PRX: variants seen among roughly 807,000 people sequenced by gnomAD.
The protein encoded by PRX is periaxin.
A neutral mutation model predicts 29.6 loss-of-function variants in PRX; 24 were observed. That is an observed-to-expected ratio of 0.81 (90% CI 0.59 to 1.14). The LOEUF is 1.14. Among genes scored for constraint, PRX ranks in the 50% most tolerant of loss-of-function variants. The pLI, the probability that PRX is intolerant of heterozygous loss-of-function variation, is 0.00. For synonymous variants in PRX, 772 were observed against 831.7 expected (o/e 0.93, Z 1.24); for missense variants, 1,838 against 1,926.4 (o/e 0.95, Z 0.86).
rs761293957 is a variant in PRX at position 40,397,635 on chromosome 19, C to T, written c.717G>A (p.Pro239=). 1.4e-5 allele frequency: 21 copies of T among 1,543,760 alleles called. No homozygotes were observed. Among genetic ancestry groups the T allele is most frequent in the Middle Eastern group, 1.8e-4 (1 of 5,548 alleles). The change falls in exon 7 of 7, where the codon CCG becomes CCA. Residue 239 remains proline, a synonymous_variant. Coordinates refer to ENST00000324001, the MANE Select transcript of PRX (RefSeq NM_181882.3). ...CACCCACCTCCGCCCCTGGCAGCCG[C>T]GGCCCAACCAGCTCCACCTGAGGGG... ...FTAPQVELVG[P]RLPGAEVGVP...
At chr19:40,399,193 C>A (rs2079470893) in intron 5 of PRX, among the ~76,000 whole-genome samples, 1 of 152,120 alleles carries the variant, frequency 6.6e-6, no homozygotes, top group African/African-American at 2.4e-5. Context: ...CCTTCCTGTT[C>A]CTGGGGATGA....
At position 40,408,386 on chromosome 19, in the gene PRX, A is replaced by G. The variant is rs1490763427; in HGVS notation, c.-242-3T>C. On this transcript the variant is annotated splice_polypyrimidine_tract_variant and splice_region_variant and intron_variant, in intron 1 of 6. Coordinates refer to ENST00000324001, the MANE Select transcript of PRX (RefSeq NM_181882.3). The stretch of plus-strand genomic sequence containing the variant: ...TTGGGCCTCCTGGGTCCGGCGCTCT[A>G]AGAAGAATAATGTGAGCAGTGTTAT... 5 of 287,688 alleles carry G rather than the reference A, an allele frequency of 1.7e-5. No individual in the cohort carries two copies. In the East Asian group the frequency reaches 3.2e-4, roughly 19 times the overall value. 17.8% of individuals were successfully genotyped at this position (287,688 alleles called of 1,614,324 possible). A position where few individuals can be genotyped will look rare whatever the true frequency, so the allele number is the denominator to read the frequency against.
At chr19:40,407,553 G>A (rs957595375) in intron 4 of PRX, 3 of 412,028 alleles carry the variant, frequency 7.3e-6, no homozygotes, top group African/African-American at 2.0e-5. Flanking sequence ...CTCCTGCCTC[G>A]GCCTCCCAAA....
rs1039080243 is a variant in PRX, at chr19:40,413,359, G to C, written c.-264C>G. The C allele has an allele frequency of 2.6e-5, 4 of 152,216 alleles. No homozygotes were observed. The East Asian group carries it at 7.7e-4, about 29-fold the overall frequency. 9.4% of individuals were successfully genotyped at this position (152,216 alleles called of 1,614,324 possible). ...TTACCGCTGAGCCTCCAGACACCTCGAGAGCTCCTGGTCCCGTCTGTCAGC... is the reference window on the plus strand; with the variant it reads ...TTACCGCTGAGCCTCCAGACACCTCCAGAGCTCCTGGTCCCGTCTGTCAGC... On this transcript the variant is annotated 5_prime_UTR_variant, in exon 1 of 7. Coordinates refer to ENST00000324001, the MANE Select transcript of PRX (RefSeq NM_181882.3).
At position 40,403,697 on chromosome 19, in the gene PRX, C is replaced by G. The variant is rs2079511611; in HGVS notation, c.184+9G>C. ...GTTCGACCCCGCCCCACACCCCGGGCCCGCCCACCTTCCTGCAGGCTGAGG... is the reference window on the plus strand; with the variant it reads ...GTTCGACCCCGCCCCACACCCCGGGGCCGCCCACCTTCCTGCAGGCTGAGG... On this transcript the variant is annotated intron_variant, in intron 5 of 6. Coordinates refer to ENST00000324001, the MANE Select transcript of PRX (RefSeq NM_181882.3). 5.8e-6 allele frequency: 9 copies of G among 1,543,880 alleles called. No homozygotes were observed. Among genetic ancestry groups the G allele is most frequent in the Non-Finnish European group, 7.9e-6 (9 of 1,143,936 alleles).
intron 5 of PRX, among the ~76,000 whole-genome samples, chr19:40,399,442 C>T (rs186752638): frequency 6.6e-6 from 1 of 152,356 alleles, no homozygotes; most frequent in Admixed American, 6.5e-5. Flanking sequence ...TCTCCAGTGG[C>T]ATTGTTACCA....
chr19:40,414,654 C>A (rs1028804868), upstream of PRX, among the ~76,000 whole-genome samples: 11 of 152,116 alleles, frequency 7.2e-5, no homozygotes, highest in Non-Finnish European at 1.3e-4. Context: ...AGGCCTCACC[C>A]CCAACCCCTG....
At chr19:40,402,320 C>T (rs1232190976) in intron 5 of PRX, among the ~76,000 whole-genome samples, 4 of 151,640 alleles carry the variant, frequency 2.6e-5, no homozygotes, top group African/African-American at 9.7e-5. Context: ...TGCCACTGCA[C>T]TCCAGCCTGG....
At position 40,398,614 on chromosome 19, in the gene PRX, G is replaced by A. The variant is rs778983888; in HGVS notation, c.381+6C>T. Reference sequence around the variant, plus strand: ...CCAGGGCCGGGGCCGGGCTAAGCACGCGTACCAGCTTGGCCACCTTGGCCC... The same window carrying A: ...CCAGGGCCGGGGCCGGGCTAAGCACACGTACCAGCTTGGCCACCTTGGCCC... On this transcript the variant is annotated splice_donor_region_variant and intron_variant, in intron 6 of 6. Coordinates refer to ENST00000324001, the MANE Select transcript of PRX (RefSeq NM_181882.3). This position sits in a 1 kb window ranked among gnomAD's most constrained non-coding sequence, Gnocchi z 6.3. 3.0e-5 allele frequency: 48 copies of A among 1,613,146 alleles called. No individual in the cohort carries two copies. The highest frequency in any genetic ancestry group is 3.6e-5 in the Non-Finnish European group (42 of 1,179,806).
At chr19:40,402,774 CA>C (rs568158954) in intron 5 of PRX, among the ~76,000 whole-genome samples, 237 of 110,408 alleles carry the variant, frequency 2.1e-3, no homozygotes, top group Middle Eastern at 9.5e-3. Context: ...GACTCCGTCT[CA>C]AAAAAAAAAA....
Position 40,397,046 on chromosome 19 carries a change from C to A in PRX, c.1306G>T (p.Val436Leu). 1 of 1,614,094 alleles carries A rather than the reference C, an allele frequency of 6.2e-7. No homozygotes were observed. The highest frequency in any genetic ancestry group is 8.5e-7 in the Non-Finnish European group (1 of 1,180,038). ...AGCTTCACTTCAGGTCCCTTGGGCACCTTGACCTCGGGCCCTGACACTCCG... is the reference window on the plus strand; with the variant it reads ...AGCTTCACTTCAGGTCCCTTGGGCAACTTGACCTCGGGCCCTGACACTCCG... ...GIGVSGPEVK[V>L]PKGPEVKLPK... Residue 436 changes from valine to leucine, a missense_variant, in exon 7 of 7, where the codon GTG becomes TTG. Transcript: ENST00000324001.
intron 4 of PRX, among the ~76,000 whole-genome samples, chr19:40,404,114 G>A (rs1303388339): frequency 2.6e-5 from 4 of 152,136 alleles, no homozygotes; most frequent in African/African-American, 9.7e-5. Flanking sequence ...AAAAGCGGCT[G>A]TTCAGCGGGC....
At position 40,397,079 on chromosome 19, in the gene PRX, GGGA is replaced by G. The variant is rs1452842120; in HGVS notation, c.1270_1272del (p.Ser424del). ...TCGGGCCCTGACACTCCGATGCCAAGGGAGGGCATCTTGATGGTGGGCAGCTTC... is the reference window on the plus strand; with the variant it reads ...TCGGGCCCTGACACTCCGATGCCAAGGGGCATCTTGATGGTGGGCAGCTTC... On this transcript the variant is annotated inframe_deletion, in exon 7 of 7. Transcript: ENST00000324001. 1 of 1,614,094 alleles carries G rather than the reference GGGA, an allele frequency of 6.2e-7. No homozygotes were observed. Among genetic ancestry groups the G allele is most frequent in the Admixed American group, 1.7e-5 (1 of 60,020 alleles).
rs567443068 is a variant in PRX at position 40,398,045 on chromosome 19, G to C, written c.382-75C>G. 3.9e-6 allele frequency: 6 copies of C among 1,528,934 alleles called. No individual in the cohort carries two copies. The highest frequency in any genetic ancestry group is 5.3e-6 in the Non-Finnish European group (6 of 1,137,188). 94.7% of individuals were successfully genotyped at this position (1,528,934 alleles called of 1,614,324 possible). ...GAGTGGACAGGAAGAGCCCCACCTG[G>C]TATTGGACCAGGCGGGGGATGTGCT... On this transcript the variant is annotated intron_variant, in intron 6 of 6. Coordinates refer to ENST00000324001, the MANE Select transcript of PRX (RefSeq NM_181882.3). This position sits in a 1 kb window ranked among gnomAD's most constrained non-coding sequence, Gnocchi z 6.3.
Position 40,400,592 on chromosome 19 carries a change from C to CAAA in PRX, c.185-1779_185-1777dup, listed in dbSNP as rs71171569. On this transcript the variant is annotated intron_variant, in intron 5 of 6. Transcript: ENST00000324001. ...GGGCAACAAGAGCGAAATTCCATCT[C>CAAA]AAAAAAAAAAAAAAAAAAAAAAAAA... 3.6e-4 allele frequency among the ~76,000 whole-genome samples: 16 copies of CAAA among 44,818 alleles called. 1 individual carries two copies. The highest frequency in any genetic ancestry group is 8.9e-4 in the African/African-American group (9 of 10,128). The allele number at this position is 44,818 out of a possible 152,430, so 29.4% of individuals were successfully genotyped here.
In PRX at chr19:40,397,310, C is replaced by T; in HGVS notation, c.1042G>A (p.Gly348Arg). 6.2e-7 allele frequency: 1 copy of T among 1,613,280 alleles called. No homozygotes were observed. Among genetic ancestry groups the T allele is most frequent in the Non-Finnish European group, 8.5e-7 (1 of 1,179,980 alleles). Reference sequence around the variant, plus strand: ...TTCAGGGCCACCTCAGGTGCCTCTCCCCGGGCCTCCACCTCTGCACCCGGC... The same window carrying T: ...TTCAGGGCCACCTCAGGTGCCTCTCTCCGGGCCTCCACCTCTGCACCCGGC... ...ALPGAEVEAR[G>R]EAPEVALKMP... is the part of the protein sequence containing the mutation. The change falls in exon 7 of 7, where the codon GGA becomes AGA. Residue 348 changes from glycine (G) to arginine (R), a missense_variant. Physicochemically the swap from Gly to Arg is moderately radical, Grantham distance 125. Transcript: ENST00000324001.
chr19:40,407,246 GTGTGTGTT>G (rs935008778), intron 4 of PRX, among the ~76,000 whole-genome samples: 7 of 145,914 alleles, frequency 4.8e-5, no homozygotes, highest in African/African-American at 1.6e-4. Context: ...GTGTGTGTGT[GTGTGTGTT>G]TAGACAGGGT....
At chr19:40,411,678 AGGTGGGG>A (rs1453634836) in intron 1 of PRX, among the ~76,000 whole-genome samples, 1 of 152,120 alleles carries the variant, frequency 6.6e-6, no homozygotes, top group Non-Finnish European at 1.5e-5. Flanking sequence ...CCCTGGGGTA[AGGTGGGG>A]GCAGCTTCGG....
Position 40,397,376 on chromosome 19 carries a change from G to A in PRX, c.976C>T (p.Leu326=), listed in dbSNP as rs1228096958. The change falls in exon 7 of 7, where the codon CTG becomes TTG. Residue 326 remains leucine, a synonymous_variant. Coordinates refer to ENST00000324001, the MANE Select transcript of PRX (RefSeq NM_181882.3). ...EGAVSVVVPT[L]DVAAPTVGVD... is the part of the protein sequence containing the mutation. Reference sequence around the variant, plus strand: ...CCCACAGTCGGTGCTGCCACATCCAGGGTGGGCACCACTACCGACACAGCC... The same window carrying A: ...CCCACAGTCGGTGCTGCCACATCCAAGGTGGGCACCACTACCGACACAGCC... The A allele has an allele frequency of 6.2e-7, 1 of 1,612,732 alleles. No homozygotes were observed. Among genetic ancestry groups the A allele is most frequent in the Admixed American group, 1.7e-5 (1 of 60,004 alleles).
Sources: gnomAD v4.1 joint callset for allele counts (sites outside exome capture counted in the v4.1 genomes callset) on GRCh38, gnomAD v4.1.1 for gene constraint, Gnocchi (gnomAD v3.1) non-coding constraint, MANE v1.5 for transcripts, NCBI Gene and HGNC (gene_info 2026-07-23, HGNC 2026-07-21) for gene names.